Variants in TUT7 observed in about 807,000 individuals in gnomAD.
TUT7 encodes the protein terminal uridylyltransferase 7.
Under a neutral mutation model 165.9 loss-of-function variants are expected in TUT7, and 33 were observed. That is an observed-to-expected ratio of 0.20 (90% CI 0.15 to 0.27). The LOEUF is 0.27. Ranked by LOEUF, TUT7 falls within the 10% of genes least tolerant of loss-of-function variation. TUT7 has a pLI of 1.00. For missense variants in TUT7, 1,338 were observed against 1,762.3 expected (o/e 0.76, Z 4.31); for synonymous variants, 552 against 608.1 (o/e 0.91, Z 1.36).
rs181276885 is a variant in TUT7 at position 86,344,754 on chromosome 9, C to T, written c.997+223G>A. On this transcript the variant is annotated intron_variant, in intron 5 of 26. Transcript: ENST00000375963. ...CAGGGCATTCAACTTAAAGTTCACA[C>T]ACAGGGTAAAATTTATAATGGAAAC... 8.0e-6 allele frequency: 4 copies of T among 502,738 alleles called. No homozygotes were observed. The Admixed American group carries it at 1.6e-4, about 20-fold the overall frequency. The allele number at this position is 502,738 out of a possible 1,614,324, so 31.1% of individuals were successfully genotyped here.
intron 10 of TUT7, chr9:86,337,207 GTAA>G (rs2131541823): frequency 1.9e-6 from 1 of 515,234 alleles, no homozygotes; most frequent in East Asian, 3.9e-5. Context: ...GTCTAGAAAG[GTAA>G]TAATATCCCT....
intron 26 of TUT7, 136 bp downstream of exon 26, chr9:86,301,140 T>G: frequency 1.2e-6 from 1 of 839,262 alleles, no homozygotes; most frequent in South Asian, 1.9e-5. Context: ...GGGATTTTAC[T>G]TTCTTAAAAA....
At position 86,305,208 on chromosome 9, in the gene TUT7, A is replaced by C. The variant is rs1827349652; in HGVS notation, c.3870T>G (p.Ala1290=). 6.2e-7 allele frequency: 1 copy of C among 1,601,600 alleles called. No individual in the cohort carries two copies. Among genetic ancestry groups the C allele is most frequent in the Non-Finnish European group, 8.5e-7 (1 of 1,176,152 alleles). ...DPFDLNHNLG[A]GLSRKMTNFI... ...GTAACTCACTTTTCCTTGATAATCC[A>C]GCTCCAAGATTATGATTCAAATCAA... Residue 1290 remains alanine, a synonymous_variant, in exon 23 of 27, where the codon GCT becomes GCG. Coordinates refer to ENST00000375963, the MANE Select transcript of TUT7 (RefSeq NM_024617.4).
chr9:86,322,202 G>A, intron 14 of TUT7, 123 bp downstream of exon 14: 1 of 823,850 alleles, frequency 1.2e-6, no homozygotes, highest in Admixed American at 2.8e-5. Context: ...AGGATACAAT[G>A]GAGAATGGAA....
At position 86,310,790 on chromosome 9, in the gene TUT7, A is replaced by T; in HGVS notation, c.3294T>A (p.Pro1098=). The change falls in exon 18 of 27, where the codon CCT becomes CCA. Residue 1098 remains proline, a synonymous_variant. Transcript: ENST00000375963. The part of the protein sequence containing the change: ...RKHSGLRNIL[P]ITTAKVPIVK... ...CAATTGGCACCTTTGCTGTTGTAAT[A>T]GGTAAGATGTTTCTCAGACCTAAGT... The T allele has an allele frequency of 6.2e-7, 1 of 1,610,606 alleles. No homozygotes were observed. Among genetic ancestry groups the T allele is most frequent in the Non-Finnish European group, 8.5e-7 (1 of 1,176,868 alleles).
chr9:86,288,451 G>T lies in TUT7; in HGVS notation c.*226C>A. 2.8e-6 allele frequency: 1 copy of T among 359,402 alleles called. No homozygotes were observed. Among genetic ancestry groups the T allele is most frequent in the Non-Finnish European group, 5.0e-6 (1 of 198,222 alleles). 22.3% of individuals were successfully genotyped at this position (359,402 alleles called of 1,614,324 possible). A position where few individuals can be genotyped will look rare whatever the true frequency, so the allele number is the denominator to read the frequency against. Reference sequence around the variant, plus strand: ...AACGTGGCTTAAATACATACATCATGTCTTTCTATTAAAATCCTTAAATCT... The same window carrying T: ...AACGTGGCTTAAATACATACATCATTTCTTTCTATTAAAATCCTTAAATCT... On this transcript the variant is annotated 3_prime_UTR_variant, in exon 27 of 27. Transcript: ENST00000375963.
In TUT7 at chr9:86,323,742, T is replaced by C. The variant is rs765344226; in HGVS notation, c.2008A>G (p.Lys670Glu). 4 of 1,613,702 alleles carry C rather than the reference T, an allele frequency of 2.5e-6. No homozygotes were observed. In the South Asian group the frequency reaches 4.4e-5, roughly 18 times the overall value. ...TGGGCCAAAACTGAGTTTTTGAGCTTATCATCTTTTGTTTGTACATCTGGA... is the reference window on the plus strand; with the variant it reads ...TGGGCCAAAACTGAGTTTTTGAGCTCATCATCTTTTGTTTGTACATCTGGA... ...HHPDVQTKDDKLKNSVLAQGP... is the reference protein window; with the variant it reads ...HHPDVQTKDDELKNSVLAQGP... Residue 670 changes from lysine (K) to glutamate (E), a missense_variant, in exon 13 of 27, where the codon AAG becomes GAG. Transcript: ENST00000375963.
At chr9:86,348,897 C>A (rs1221435395) in intron 2 of TUT7, among the ~76,000 whole-genome samples, 2 of 152,164 alleles carry the variant, frequency 1.3e-5, no homozygotes, top group African/African-American at 2.4e-5. Flanking sequence ...GGCAATATAA[C>A]CTTCTAAACC....
At chr9:86,322,201 T>C in intron 14 of TUT7, 124 bp downstream of exon 14, 1 of 811,338 alleles carries the variant, frequency 1.2e-6, no homozygotes, top group Non-Finnish European at 1.9e-6. Flanking sequence ...GAGGATACAA[T>C]GGAGAATGGA....
chr9:86,343,696 T>A (rs1831510231), intron 5 of TUT7, among the ~76,000 whole-genome samples: 1 of 152,200 alleles, frequency 6.6e-6, no homozygotes, highest in Non-Finnish European at 1.5e-5. Flanking sequence ...CATTATATTA[T>A]GAACAAAAAG....
chr9:86,342,130 T>A (rs1485408797), intron 6 of TUT7, among the ~76,000 whole-genome samples: 4 of 152,190 alleles, frequency 2.6e-5, no homozygotes, highest in African/African-American at 9.6e-5. Context: ...TAGCAAGAAG[T>A]AAGAGGTTGT....
chr9:86,345,619 T>G, intron 4 of TUT7, 50 bp downstream of exon 4: 1 of 1,305,916 alleles, frequency 7.7e-7, no homozygotes, highest in Non-Finnish European at 1.1e-6. Flanking sequence ...AGATGACAAG[T>G]AATAACAACT....
At chr9:86,344,122 A>G (rs550625440) in intron 5 of TUT7, among the ~76,000 whole-genome samples, 2 of 152,352 alleles carry the variant, frequency 1.3e-5, no homozygotes, top group East Asian at 3.8e-4. Flanking sequence ...TAGAACAAAC[A>G]GTTTTAAGAT....
intron 6 of TUT7, among the ~76,000 whole-genome samples, chr9:86,342,833 C>T (rs761696339): frequency 1.9e-4 from 29 of 152,022 alleles, no homozygotes; most frequent in Non-Finnish European, 3.5e-4. Context: ...AACCTAAACA[C>T]CCCCATCAGG....
In TUT7 at chr9:86,345,033, T is replaced by C; in HGVS notation, c.941A>G (p.Glu314Gly). 6.2e-7 allele frequency: 1 copy of C among 1,613,760 alleles called. No individual in the cohort carries two copies. Among genetic ancestry groups the C allele is most frequent in the Non-Finnish European group, 8.5e-7 (1 of 1,179,860 alleles). The change falls in exon 5 of 27, where the codon GAA becomes GGA. Residue 314 changes from glutamate (E) to glycine (G), a missense_variant. Transcript: ENST00000375963. ...GATACGTTTAATTTCCAGCCTCTGT[T>C]CCAAGTTCTCATTGTGTAAGCCAAA... The part of the protein sequence containing the change: ...QEFGLHNENL[E>G]QRLEIKRIME...
At chr9:86,317,848 T>C (rs1326657746) in intron 16 of TUT7, among the ~76,000 whole-genome samples, 1 of 152,204 alleles carries the variant, frequency 6.6e-6, no homozygotes, top group African/African-American at 2.4e-5. Context: ...TACGCCTTTT[T>C]GATGGTTATA....
chr9:86,353,843 C>G (rs1832514665), intron 1 of TUT7, among the ~76,000 whole-genome samples: 1 of 152,228 alleles, frequency 6.6e-6, no homozygotes, highest in Admixed American at 6.5e-5. Flanking sequence ...ACAACTCCAT[C>G]TAACCTCCTC....
chr9:86,305,173 G>C lies in TUT7; in HGVS notation c.3886+19C>G. On this transcript the variant is annotated intron_variant, in intron 23 of 26. Transcript: ENST00000375963. ...CATAAGTAAAATAAAAAATAAAATT[G>C]ACAAACGAAGTAACTCACTTTTCCT... 6.3e-7 allele frequency: 1 copy of C among 1,585,882 alleles called. No homozygotes were observed. The highest frequency in any genetic ancestry group is 1.2e-5 in the South Asian group (1 of 85,428).
intron 5 of TUT7, among the ~76,000 whole-genome samples, chr9:86,343,979 T>C (rs757116070): frequency 1.3e-5 from 2 of 152,212 alleles, no homozygotes; most frequent in Admixed American, 6.5e-5. Context: ...CATTTTTACA[T>C]GAAATTTTAC....
Sources: allele counts gnomAD v4.1 joint callset (sites outside exome capture counted in the v4.1 genomes callset), GRCh38; gene constraint gnomAD v4.1.1; transcripts MANE v1.5; gene names NCBI Gene and HGNC (gene_info 2026-07-23, HGNC 2026-07-21).